FASTKD3: variants seen among roughly 807,000 people sequenced by gnomAD.
The protein encoded by FASTKD3 is FAST kinase domains 3.
Under a neutral mutation model 49.7 loss-of-function variants are expected in FASTKD3, and 47 were observed. That is an observed-to-expected ratio of 0.95 (90% confidence interval 0.75 to 1.21). The LOEUF (loss-of-function observed/expected upper bound fraction) is 1.21. FASTKD3 is among the 50% of genes most tolerant of loss of function. The probability of loss-of-function intolerance (pLI) is 0.00; values close to 1 mark genes in which losing one functional copy is unlikely to be tolerated. For missense variants in FASTKD3, 748 were observed against 765.7 expected, an observed-to-expected ratio of 0.98 and a Z score of 0.27; for synonymous variants, 284 against 288.6, an observed-to-expected ratio of 0.98 and a Z score of 0.16.
chr5:7,862,819 T>C lies in FASTKD3; in HGVS notation c.1699+4A>G. On this transcript the variant is annotated splice_donor_region_variant and intron_variant, in intron 4 of 6. Transcript: ENST00000264669. ...AAAACAACAAAACTCCTTATACTAC[T>C]TACCTATTGTATAACAATAGGGTGT... 1 of 1,605,526 alleles carries C rather than the reference T, an allele frequency of 6.2e-7. No homozygotes were observed. Among genetic ancestry groups the C allele is most frequent in the Non-Finnish European group, 8.5e-7 (1 of 1,173,938 alleles).
In FASTKD3 at chr5:7,868,991, G is replaced by A. The variant is rs747091451; in HGVS notation, c.-126C>T. 3.6e-5 allele frequency: 34 copies of A among 944,530 alleles called. No homozygotes were observed. The highest frequency in any genetic ancestry group is 6.5e-5 in the South Asian group (5 of 76,624). 58.5% of individuals were successfully genotyped at this position (944,530 alleles called of 1,614,324 possible). A position where few individuals can be genotyped will look rare whatever the true frequency, so the allele number is the denominator to read the frequency against. ...CGTTGACACCTACCGCGCTCTGCCG[G>A]GCAATCACTCCGGGTGGTCGCGGAA... On this transcript the variant is annotated 5_prime_UTR_variant, in exon 1 of 7. Coordinates refer to ENST00000264669, the MANE Select transcript of FASTKD3 (RefSeq NM_024091.4).
In FASTKD3 at chr5:7,867,786, G is replaced by A; in HGVS notation, c.298C>T (p.Gln100Ter). 6.2e-7 allele frequency: 1 copy of A among 1,614,160 alleles called. No individual in the cohort carries two copies. The highest frequency in any genetic ancestry group is 1.1e-5 in the South Asian group (1 of 91,070). Residue 100 changes from glutamine to a stop codon, truncating the protein, a stop_gained, in exon 2 of 7, where the codon CAG becomes TAG. Transcript: ENST00000264669. LOFTEE classifies it high-confidence loss of function. ...LEQNVKNEES[Q>*]MFYRRLSNLT... The stretch of plus-strand genomic sequence containing the variant: ...TTGCTCAGTCTCCTGTAAAACATCT[G>A]ACTCTCCTCATTTTTAACATTTTGT...
At position 7,868,136 on chromosome 5, in the gene FASTKD3, TTAAATACATTGAGAAC is replaced by T. The variant is rs1424626026; in HGVS notation, c.-69_-54del. 3.0e-5 allele frequency: 36 copies of T among 1,209,124 alleles called. No individual in the cohort carries two copies. Among genetic ancestry groups the T allele is most frequent in the Non-Finnish European group, 4.2e-5 (36 of 864,798 alleles). 74.9% of individuals were successfully genotyped at this position (1,209,124 alleles called of 1,614,324 possible). A position where few individuals can be genotyped will look rare whatever the true frequency, so the allele number is the denominator to read the frequency against. ...AATTAAAAAATTTAAAAACACATGG[TTAAATACATTGAGAAC>T]ATGATTGACCCAACATCAATGTTTA... On this transcript the variant is annotated 5_prime_UTR_variant, in exon 2 of 7. It removes an upstream start codon present in the reference 5' UTR. Coordinates refer to ENST00000264669, the MANE Select transcript of FASTKD3 (RefSeq NM_024091.4).
intron 6 of FASTKD3, 125 bp downstream of exon 6, chr5:7,861,024 T>C (rs1322868980): frequency 2.0e-5 from 12 of 613,542 alleles, no homozygotes; most frequent in African/African-American, 3.7e-5. Context: ...AGTTCAATAA[T>C]TGCTGCCTGA....
At chr5:7,868,412 T>C (rs539960098) in intron 1 of FASTKD3, among the ~76,000 whole-genome samples, 7 of 152,342 alleles carry the variant, frequency 4.6e-5, no homozygotes, top group African/African-American at 1.2e-4. Flanking sequence ...CAAAGTTACT[T>C]TGCCCAGTTT....
rs376555432 is a variant in FASTKD3 at position 7,866,934 on chromosome 5, G to A, written c.1150C>T (p.Leu384Phe). The change falls in exon 2 of 7, where the codon CTT becomes TTT. Residue 384 changes from leucine (L) to phenylalanine (F), a missense_variant. By Grantham distance (22) the Leu-to-Phe change is conservative. Transcript: ENST00000264669. Reference sequence around the variant, plus strand: ...ACTGCATTGAGGATGGGTTTTGAAAGAATCAGTTCTCTACTGCAGTACTCC... The same window carrying A: ...ACTGCATTGAGGATGGGTTTTGAAAAAATCAGTTCTCTACTGCAGTACTCC... ...VMEYCSRELILSKPILNAVAE... is the reference protein window; with the variant it reads ...VMEYCSRELIFSKPILNAVAE... 5.0e-6 allele frequency: 8 copies of A among 1,614,186 alleles called. No individual in the cohort carries two copies. The highest frequency in any genetic ancestry group is 3.3e-5 in the Admixed American group (2 of 60,022).
intron 3 of FASTKD3, 145 bp downstream of exon 3, chr5:7,865,753 C>G (rs1346692712): frequency 1.6e-6 from 1 of 607,806 alleles, no homozygotes; most frequent in Non-Finnish European, 3.0e-6. Flanking sequence ...GTCCATTTAT[C>G]AAAGAAAAGC....
chr5:7,863,721 AAATT>A (rs1451911526), intron 3 of FASTKD3, among the ~76,000 whole-genome samples: 1 of 152,244 alleles, frequency 6.6e-6, no homozygotes, highest in Non-Finnish European at 1.5e-5. Flanking sequence ...GAAAATAACT[AAATT>A]AAACTTCTGT....
rs968113627 is a variant in FASTKD3 at position 7,859,164 on chromosome 5, A to G, written c.*271T>C. ...AGCAGATAACTATGACAAAATACTTAAAAATAACATTTATTCATTGAATTC... is the reference window on the plus strand; with the variant it reads ...AGCAGATAACTATGACAAAATACTTGAAAATAACATTTATTCATTGAATTC... On this transcript the variant is annotated 3_prime_UTR_variant, in exon 7 of 7. Coordinates refer to ENST00000264669, the MANE Select transcript of FASTKD3 (RefSeq NM_024091.4). The G allele has an allele frequency of 4.2e-5, 9 of 212,782 alleles. No individual in the cohort carries two copies. The highest frequency in any genetic ancestry group is 8.3e-5 in the Non-Finnish European group (9 of 108,636). The allele number at this position is 212,782 out of a possible 1,614,324, so 13.2% of individuals were successfully genotyped here.
intron 1 of FASTKD3, 113 bp downstream of exon 1, chr5:7,868,866 C>G (rs1747290593): frequency 5.4e-6 from 3 of 551,524 alleles, no homozygotes; most frequent in Non-Finnish European, 9.8e-6. Context: ...AACTCGGCGC[C>G]CCGGGGACCT....
rs1747009976 is a variant in FASTKD3, at chr5:7,867,048, G to A, written c.1036C>T (p.His346Tyr). The A allele has an allele frequency of 1.2e-6, 2 of 1,614,184 alleles. No homozygotes were observed. Among genetic ancestry groups the A allele is most frequent in the African/African-American group, 1.3e-5 (1 of 75,044 alleles). ...GCTTTTGTAAAAAATGTGTCATGGTGCCCAAAATATATGAACGCCTCCAAG... is the reference window on the plus strand; with the variant it reads ...GCTTTTGTAAAAAATGTGTCATGGTACCCAAAATATATGAACGCCTCCAAG... ...RVLEAFIYFG[H>Y]HDTFFTKALE... Residue 346 changes from histidine (H) to tyrosine (Y), a missense_variant, in exon 2 of 7, where the codon CAC becomes TAC. Around this residue, in one of 3 missense-constraint regions of FASTKD3, gnomAD observed 564 missense variants for 562.8 expected, o/e 1.00. Coordinates refer to ENST00000264669, the MANE Select transcript of FASTKD3 (RefSeq NM_024091.4).
chr5:7,862,794 A>C (rs1403089584), intron 4 of FASTKD3, 29 bp downstream of exon 4: 9 of 1,580,390 alleles, frequency 5.7e-6, no homozygotes, highest in Non-Finnish European at 7.8e-6. Flanking sequence ...GCTTAGGTTT[A>C]AAACAACAAA....
In FASTKD3 at chr5:7,859,507, T is replaced by C. The variant is rs369617315; in HGVS notation, c.1917A>G (p.Ser639=). The change falls in exon 7 of 7, where the codon TCA becomes TCG. Residue 639 remains serine (S), a synonymous_variant. Coordinates refer to ENST00000264669, the MANE Select transcript of FASTKD3 (RefSeq NM_024091.4). The part of the protein sequence containing the change: ...IPYHEIGMLK[S]RRELVEYLQR... ...GTAAATATTCCACCAATTCACGTCT[T>C]GATTTTAGCATCCCAATCTCATGAT... 27 of 1,605,808 alleles carry C rather than the reference T, an allele frequency of 1.7e-5. No homozygotes were observed. In the African/African-American group the frequency reaches 2.9e-4, roughly 18 times the overall value.
In FASTKD3 at chr5:7,862,825, A is replaced by G. The variant is rs775216805; in HGVS notation, c.1697T>C (p.Ile566Thr). Residue 566 changes from isoleucine to threonine, a missense_variant and splice_region_variant, in exon 4 of 7, where the codon ATA (isoleucine) becomes ACA (threonine). Transcript: ENST00000264669. ...ACAAAACTCCTTATACTACTTACCT[A>G]TTGTATAACAATAGGGTGTCAACAC... Reference protein sequence around the residue: ...PKVLTPYCYTIDVEIKLDEEG... With the variant: ...PKVLTPYCYTTDVEIKLDEEG... 7 of 1,610,936 alleles carry G rather than the reference A, an allele frequency of 4.3e-6. No homozygotes were observed. The highest frequency in any genetic ancestry group is 5.9e-6 in the Non-Finnish European group (7 of 1,178,468).
intron 5 of FASTKD3, 68 bp downstream of exon 5, chr5:7,861,514 GA>G: frequency 8.7e-7 from 1 of 1,149,642 alleles, no homozygotes; most frequent in Admixed American, 3.1e-5. Flanking sequence ...ACCTTCTTGA[GA>G]AAAAGATACC....
intron 4 of FASTKD3, 93 bp from the exon 5 acceptor site, chr5:7,861,745 C>T (rs745697590): frequency 8.6e-6 from 13 of 1,508,106 alleles, no homozygotes; most frequent in Middle Eastern, 1.7e-4. Context: ...TGATTCCTTC[C>T]ACCTTGCATT....
rs758385971 is a variant in FASTKD3 at position 7,859,536 on chromosome 5, G to A, written c.1888C>T (p.Pro630Ser). The change falls in exon 7 of 7, where the codon CCC becomes TCC. Residue 630 changes from proline (P) to serine (S), a missense_variant. Pro to Ser is a moderately conservative substitution (Grantham distance 74). Around this residue, in one of 3 missense-constraint regions of FASTKD3, gnomAD observed 178 missense variants for 182.2 expected, o/e 0.98. Transcript: ENST00000264669. ...TTTAGCATCCCAATCTCATGATAGG[G>A]GATCTGTAAAGGTAGAAAAGTAAAA... ...QLLGYQVVQI[P>S]YHEIGMLKSR... 6 of 1,583,782 alleles carry A rather than the reference G, an allele frequency of 3.8e-6. No individual in the cohort carries two copies. In the South Asian group the frequency reaches 6.9e-5, roughly 18 times the overall value.
At chr5:7,865,397 C>T (rs1222678601) in intron 3 of FASTKD3, among the ~76,000 whole-genome samples, 1 of 152,098 alleles carries the variant, frequency 6.6e-6, no homozygotes, top group Non-Finnish European at 1.5e-5. Flanking sequence ...TCTGATTCTA[C>T]ATAAGGAATG....
In FASTKD3 at chr5:7,861,670, GA is replaced by G. The variant is rs866522734; in HGVS notation, c.1700-19del. The stretch of plus-strand genomic sequence containing the variant: ...TTCAACATCTGGTGAGAGAAGAAAG[GA>G]AAAATTCCTCGTGTGATACCCTCAC... On this transcript the variant is annotated intron_variant, in intron 4 of 6. Coordinates refer to ENST00000264669, the MANE Select transcript of FASTKD3 (RefSeq NM_024091.4). The G allele has an allele frequency of 2.5e-6, 4 of 1,604,274 alleles. No homozygotes were observed. The highest frequency in any genetic ancestry group is 1.7e-5 in the Admixed American group (1 of 59,468).
Sources: allele counts gnomAD v4.1 joint callset (sites outside exome capture counted in the v4.1 genomes callset), GRCh38; gene constraint gnomAD v4.1.1; regional missense constraint gnomAD v4.1.1; transcripts MANE v1.5; gene names NCBI Gene and HGNC (gene_info 2026-07-23, HGNC 2026-07-21).